Variants in CPNE4 observed in about 807,000 individuals in gnomAD.
CPNE4 encodes copine-4.
A neutral mutation model predicts 67.9 loss-of-function variants in CPNE4; 25 were observed. The observed-to-expected ratio is 0.37, with a 90% confidence interval of 0.27 to 0.51. CPNE4 has a LOEUF of 0.51. CPNE4 is among the 20% of genes least tolerant of loss of function. CPNE4 has a pLI of 0.93. For missense variants in CPNE4, 464 were observed against 690.8 expected, an observed-to-expected ratio of 0.67 and a Z score of 3.68; for synonymous variants, 242 against 244.9, an observed-to-expected ratio of 0.99 and a Z score of 0.11.
intron 1 of CPNE4, among the ~76,000 whole-genome samples, chr3:131,931,056 A>T (rs76789734): frequency 0.014 from 2,165 of 152,244 alleles, 52 homozygotes; most frequent in African/African-American, 0.05. Flanking sequence ...TACAGGAAAT[A>T]TCACTACCTG....
At chr3:131,708,995 T>TATATATATATATATATATATATAC (rs1366246304) in intron 3 of CPNE4, among the ~76,000 whole-genome samples, 11 of 109,112 alleles carry the variant, frequency 1.0e-4, no homozygotes, top group East Asian at 2.7e-4. Context: ...TATATATATA[T>TATATATATATATATATATATATAC]ACATACACAC....
intron 7 of CPNE4, among the ~76,000 whole-genome samples, chr3:131,656,867 G>A (rs565947451): frequency 1.3e-5 from 2 of 152,296 alleles, no homozygotes; most frequent in African/African-American, 2.4e-5. Context: ...TTAAGAACAT[G>A]CCAGCTATTC....
At chr3:131,905,931 A>C (rs1031764186) in intron 1 of CPNE4, among the ~76,000 whole-genome samples, 1 of 152,130 alleles carries the variant, frequency 6.6e-6, no homozygotes, top group African/African-American at 2.4e-5. Context: ...CCCACCCCTA[A>C]AACTTTGCCC....
intron 2 of CPNE4, among the ~76,000 whole-genome samples, chr3:131,895,384 A>G (rs777903774): frequency 6.6e-6 from 1 of 152,066 alleles, no homozygotes; most frequent in Non-Finnish European, 1.5e-5. Flanking sequence ...CACAAAATAA[A>G]TGATAAATGC....
At chr3:131,800,070 G>T (rs2084048751) in intron 2 of CPNE4, among the ~76,000 whole-genome samples, 1 of 151,866 alleles carries the variant, frequency 6.6e-6, no homozygotes, top group Non-Finnish European at 1.5e-5. Flanking sequence ...TGAGGTTTGG[G>T]CTTCTAATGA....
chr3:131,580,668 T>C (rs1458536908), intron 9 of CPNE4, among the ~76,000 whole-genome samples: 2 of 152,128 alleles, frequency 1.3e-5, no homozygotes, highest in Non-Finnish European at 2.9e-5. Context: ...GTGGTAAGAA[T>C]TAAACAGAGT....
chr3:132,024,750 C>A (rs369505338), intron 1 of CPNE4, among the ~76,000 whole-genome samples: 1 of 152,116 alleles, frequency 6.6e-6, no homozygotes, highest in East Asian at 1.9e-4. Context: ...AATTGATTGA[C>A]AGGGTGGCTG....
chr3:131,891,751 A>G (rs1042071733), intron 2 of CPNE4, among the ~76,000 whole-genome samples: 3 of 151,972 alleles, frequency 2.0e-5, no homozygotes, highest in Non-Finnish European at 1.5e-5. Flanking sequence ...AAAGGACATA[A>G]CCTTATTCTT....
At chr3:131,911,001 A>C (rs1176536053) in intron 1 of CPNE4, among the ~76,000 whole-genome samples, 4 of 152,190 alleles carry the variant, frequency 2.6e-5, no homozygotes, top group Non-Finnish European at 5.9e-5. Context: ...ACAGAGGCTA[A>C]GATGGCCATC....
At chr3:131,945,655 G>T (rs189719064) in intron 1 of CPNE4, among the ~76,000 whole-genome samples, 1 of 152,072 alleles carries the variant, frequency 6.6e-6, no homozygotes, top group Non-Finnish European at 1.5e-5. Context: ...TAGTCTGAAA[G>T]CTCTTTCTAC....
At chr3:131,736,611 C>CAAAAAA (rs71136406) in intron 2 of CPNE4, among the ~76,000 whole-genome samples, 2 of 82,166 alleles carry the variant, frequency 2.4e-5, no homozygotes, top group African/African-American at 5.5e-5. Flanking sequence ...AAGACTGTCT[C>CAAAAAA]AAAAAAAAAA....
At chr3:131,919,708 G>A (rs2070689072) in intron 1 of CPNE4, among the ~76,000 whole-genome samples, 2 of 152,112 alleles carry the variant, frequency 1.3e-5, no homozygotes, top group South Asian at 4.1e-4. Context: ...GTAAATAATA[G>A]GTGGCAGAAA....
chr3:131,863,467 A>G (rs1472596657), intron 2 of CPNE4, among the ~76,000 whole-genome samples: 4 of 152,336 alleles, frequency 2.6e-5, no homozygotes, highest in East Asian at 1.9e-4. Context: ...CAGTGATGAT[A>G]AGCATTTTTA....
chr3:131,746,472 C>T (rs1362682729), intron 2 of CPNE4, among the ~76,000 whole-genome samples: 2 of 152,094 alleles, frequency 1.3e-5, no homozygotes, highest in African/African-American at 4.8e-5. Context: ...CTACTCTCTA[C>T]CTCCATGAGA....
At position 131,700,000 on chromosome 3, in the gene CPNE4, AG is replaced by A; in HGVS notation, c.361-21del. On this transcript the variant is annotated intron_variant, in intron 3 of 15. Transcript: ENST00000429747. ...AACAATCTGCAAAAAAGGAAACAAA[AG>A]GTAACAAAAGGTAGAGATACTAGTC... The A allele has an allele frequency of 6.3e-7, 1 of 1,579,198 alleles. No individual in the cohort carries two copies. The highest frequency in any genetic ancestry group is 1.7e-4 in the Middle Eastern group (1 of 5,954).
chr3:131,751,779 T>TTTTG (rs139264698), intron 2 of CPNE4, among the ~76,000 whole-genome samples: 1 of 150,388 alleles, frequency 6.6e-6, no homozygotes, highest in African/African-American at 2.4e-5. Flanking sequence ...TTTTTTGTTT[T>TTTTG]TTTGTTTGTT....
At position 131,852,674 on chromosome 3, in the gene CPNE4, C is replaced by CA. The variant is rs571265126; in HGVS notation, c.180+52589dup. ...TGCATGTTTCAGCCAGTGCAACAGA[C>CA]AAAAAAAAAATTAGATCAGGAGTGA... is the stretch of plus-strand genomic sequence containing the variant. On this transcript the variant is annotated intron_variant, in intron 2 of 15. Transcript: ENST00000429747. Among the ~76,000 whole-genome samples, 54 of 144,256 alleles carry CA rather than the reference C, an allele frequency of 3.7e-4. 1 individual carries two copies. The East Asian group carries it at 5.8e-3, about 16-fold the overall frequency. The allele number at this position is 144,256 out of a possible 152,430, so 94.6% of individuals were successfully genotyped here.
At chr3:132,018,743 G>C (rs1396582259) in intron 1 of CPNE4, among the ~76,000 whole-genome samples, 1 of 152,160 alleles carries the variant, frequency 6.6e-6, no homozygotes, top group Non-Finnish European at 1.5e-5. Flanking sequence ...CCAAACTCAT[G>C]CTGCAGAAAT....
chr3:131,911,776 A>G (rs2107790237), intron 1 of CPNE4, among the ~76,000 whole-genome samples: 1 of 152,158 alleles, frequency 6.6e-6, no homozygotes, highest in East Asian at 1.9e-4. Flanking sequence ...CTCAGGGTCC[A>G]CAGCTTACCT....
Sources: allele counts gnomAD v4.1 joint callset (sites outside exome capture counted in the v4.1 genomes callset), GRCh38; gene constraint gnomAD v4.1.1; transcripts MANE v1.5; gene names NCBI Gene and HGNC (gene_info 2026-07-23, HGNC 2026-07-21).